The following CREM variants were observed in gnomAD, a reference collection of about 807,000 sequenced individuals.
CREM encodes the protein cAMP responsive element modulator.
A neutral mutation model predicts 37.3 loss-of-function variants in CREM; 13 were observed. The observed-to-expected ratio is 0.35, with a 90% CI of 0.23 to 0.55. The LOEUF is 0.55. Among genes scored for constraint, CREM ranks in the 20% least tolerant of loss-of-function variants. CREM has a pLI of 0.88. For missense variants in CREM, 296 were observed against 362.3 expected, an observed-to-expected ratio of 0.82 and a Z score of 1.49; for synonymous variants, 124 against 120.2, an observed-to-expected ratio of 1.03 and a Z score of -0.21.
intron 3 of CREM, among the ~76,000 whole-genome samples, chr10:35,155,853 T>A (rs564497849): frequency 1.3e-5 from 2 of 151,880 alleles, no homozygotes; most frequent in East Asian, 1.9e-4. Context: ...ATGATCTTGA[T>A]CTCCTGACCT....
chr10:35,206,599 A>G (rs933079209), intron 6 of CREM, among the ~76,000 whole-genome samples: 1 of 152,192 alleles, frequency 6.6e-6, no homozygotes, highest in Non-Finnish European at 1.5e-5. Flanking sequence ...TTAGCACACC[A>G]CTGACTTTAA....
At chr10:35,170,729 G>C (rs2093772798) in intron 3 of CREM, among the ~76,000 whole-genome samples, 1 of 152,152 alleles carries the variant, frequency 6.6e-6, no homozygotes, top group Non-Finnish European at 1.5e-5. Context: ...TTGTAATTCT[G>C]TGGGGTCGGT....
At chr10:35,152,697 A>G (rs1459022933) in intron 3 of CREM, among the ~76,000 whole-genome samples, 1 of 152,214 alleles carries the variant, frequency 6.6e-6, no homozygotes, top group African/African-American at 2.4e-5. Context: ...ACTGTTGATA[A>G]TAAGTTGGAG....
Position 35,179,263 on chromosome 10 carries a change from C to T in CREM, c.396C>T (p.Ser132=), listed in dbSNP as rs1483382208. The T allele has an allele frequency of 3.7e-6, 6 of 1,613,988 alleles. No homozygotes were observed. The Admixed American group carries it at 1.0e-4, about 27-fold the overall frequency. The change falls in exon 5 of 8, where the codon AGC becomes AGT. Residue 132 remains serine (S), a synonymous_variant. Coordinates refer to ENST00000685392, the MANE Select transcript of CREM (RefSeq NM_183011.2). Reference sequence around the variant, plus strand: ...TACCAACTAGCATATATCAGACTAGCACGGGGCAATACAGTATGTATGCTG... The same window carrying T: ...TACCAACTAGCATATATCAGACTAGTACGGGGCAATACAGTATGTATGCTG... ...MAVPTSIYQT[S]TGQYIAIAQG...
chr10:35,143,612 C>T (rs1430705680), intron 2 of CREM, among the ~76,000 whole-genome samples: 1 of 152,128 alleles, frequency 6.6e-6, no homozygotes, highest in Non-Finnish European at 1.5e-5. Flanking sequence ...TGAACATAGA[C>T]AGAATGGTGA....
At chr10:35,140,182 G>A (rs115176541) in intron 2 of CREM, among the ~76,000 whole-genome samples, 2,302 of 152,138 alleles carry the variant, frequency 0.015, 61 homozygotes, top group African/African-American at 0.052. Flanking sequence ...TGTACTAAAC[G>A]GCATGAACTG....
chr10:35,211,193 A>C, intron 7 of CREM, 61 bp from the exon 8 acceptor site: 1 of 1,575,594 alleles, frequency 6.3e-7, no homozygotes, highest in Non-Finnish European at 8.6e-7. Context: ...AAGTGCACTG[A>C]CCCACTGTGG....
intron 3 of CREM, among the ~76,000 whole-genome samples, chr10:35,175,180 G>A (rs1159678948): frequency 6.6e-6 from 1 of 152,252 alleles, no homozygotes; most frequent in African/African-American, 2.4e-5. Context: ...AGGTACAGTG[G>A]CTCACGCCTG....
chr10:35,141,116 A>G (rs1254569689), intron 2 of CREM, among the ~76,000 whole-genome samples: 2 of 152,108 alleles, frequency 1.3e-5, no homozygotes, highest in Non-Finnish European at 2.9e-5. Flanking sequence ...AAGAAGAACT[A>G]ATTATTTTTT....
intron 3 of CREM, among the ~76,000 whole-genome samples, chr10:35,158,821 G>GTTT (rs1271855315): frequency 1.6e-5 from 1 of 62,366 alleles, no homozygotes; most frequent in Non-Finnish European, 4.1e-5. Flanking sequence ...TGTTTTGTTT[G>GTTT]TTTTTTTTTT....
At chr10:35,175,839 G>T in intron 3 of CREM, 2 of 1,594,358 alleles carry the variant, frequency 1.3e-6, no homozygotes, top group South Asian at 2.3e-5. Context: ...CCTCAATGGT[G>T]ATCATTTTGG....
At chr10:35,209,416 G>A (rs2134773351) in intron 7 of CREM, 2 of 960,898 alleles carry the variant, frequency 2.1e-6, no homozygotes, top group South Asian at 4.8e-5. Flanking sequence ...AGAAGAAACA[G>A]GTGTTTTCCA....
chr10:35,128,093 C>T (rs762873355), intron 1 of CREM, among the ~76,000 whole-genome samples: 5 of 152,238 alleles, frequency 3.3e-5, no homozygotes, highest in Non-Finnish European at 5.9e-5. Flanking sequence ...CCACCTCGGC[C>T]TCCCAAAGTG....
At chr10:35,134,681 A>G (rs916158607) in intron 1 of CREM, among the ~76,000 whole-genome samples, 5 of 152,204 alleles carry the variant, frequency 3.3e-5, no homozygotes, top group African/African-American at 1.2e-4. Context: ...TGTCCTTTAT[A>G]GCATAATCAA....
intron 3 of CREM, among the ~76,000 whole-genome samples, chr10:35,165,273 A>G (rs980094053): frequency 4.6e-5 from 7 of 151,866 alleles, no homozygotes; most frequent in African/African-American, 1.7e-4. Flanking sequence ...AGCAAGAGAG[A>G]GGGGAAGTGC....
At chr10:35,198,522 C>CAAA (rs1224904326) in intron 6 of CREM, among the ~76,000 whole-genome samples, 1 of 93,110 alleles carries the variant, frequency 1.1e-5, no homozygotes, top group Non-Finnish European at 2.2e-5. Flanking sequence ...GACTCCATCT[C>CAAA]AAAAAAAAAA....
chr10:35,127,956 T>C (rs972189288), intron 1 of CREM, among the ~76,000 whole-genome samples: 22 of 152,012 alleles, frequency 1.4e-4, no homozygotes, highest in African/African-American at 5.1e-4. Flanking sequence ...AGCGATTCTC[T>C]TGCCTCAGCC....
intron 5 of CREM, among the ~76,000 whole-genome samples, chr10:35,186,887 AAAT>A (rs1393480526): frequency 4.4e-5 from 4 of 91,886 alleles, no homozygotes; most frequent in East Asian, 3.0e-4. Flanking sequence ...TATAAAATAT[AAAT>A]AATTATAAAA....
At chr10:35,179,859 T>A (rs2094279011) in intron 5 of CREM, 2 of 152,380 alleles carry the variant, frequency 1.3e-5, no homozygotes, top group Admixed American at 6.5e-5. Context: ...TCTTGTGCAT[T>A]TTAATGGACC....
Sources: gnomAD v4.1 joint callset for allele counts (sites outside exome capture counted in the v4.1 genomes callset) on GRCh38, gnomAD v4.1.1 for gene constraint, MANE v1.5 for transcripts, NCBI Gene and HGNC (gene_info 2026-07-23, HGNC 2026-07-21) for gene names.